DCDC1: variants seen among roughly 807,000 people sequenced by gnomAD.
DCDC1 encodes doublecortin domain containing 1.
DCDC1 carries 200 observed loss-of-function variants against 178.3 expected under a neutral mutation model. The observed-to-expected ratio is 1.12, with a 90% confidence interval of 1.00 to 1.26. The LOEUF is 1.26. Among genes scored for constraint, DCDC1 ranks in the 50% most tolerant of loss-of-function variants. The pLI, the probability that DCDC1 is intolerant of heterozygous loss-of-function variation, is 0.00. For synonymous variants in DCDC1, 690 were observed against 604.8 expected, an observed-to-expected ratio of 1.14 and a Z score of -2.07; for missense variants, 1,983 against 1,749.2, an observed-to-expected ratio of 1.13 and a Z score of -2.38.
intron 8 of DCDC1, among the ~76,000 whole-genome samples, chr11:31,255,945 T>C (rs1279398610): frequency 6.6e-6 from 1 of 152,214 alleles, no homozygotes; most frequent in Non-Finnish European, 1.5e-5. Context: ...TTCTGAGTTT[T>C]ATGGTTTTTG....
At chr11:31,242,019 C>G (rs1475559) in intron 8 of DCDC1, among the ~76,000 whole-genome samples, 89,671 of 151,706 alleles carry the variant, frequency 0.59, 26,910 homozygotes, top group East Asian at 0.93. Flanking sequence ...TTGTAGAGCA[C>G]TCTATATACC....
intron 23 of DCDC1, among the ~76,000 whole-genome samples, chr11:30,922,947 A>T (rs1420766019): frequency 6.9e-6 from 1 of 145,734 alleles, no homozygotes; most frequent in Admixed American, 6.8e-5. Flanking sequence ...TAATTGTTTA[A>T]GAAGAAGAGG....
intron 10 of DCDC1, among the ~76,000 whole-genome samples, chr11:31,134,871 C>A (rs1224122184): frequency 6.6e-6 from 1 of 152,102 alleles, no homozygotes; most frequent in Non-Finnish European, 1.5e-5. Context: ...TGGTATATGC[C>A]TAAAGTCCCA....
chr11:31,104,249 T>C (rs1035501891), intron 13 of DCDC1, among the ~76,000 whole-genome samples: 1 of 152,142 alleles, frequency 6.6e-6, no homozygotes, highest in Admixed American at 6.6e-5. Context: ...AATTTGGAAA[T>C]TAAAATCAAA....
chr11:31,044,161 G>T (rs187398524), intron 20 of DCDC1, among the ~76,000 whole-genome samples: 1 of 152,076 alleles, frequency 6.6e-6, no homozygotes, highest in African/African-American at 2.4e-5. Context: ...GTTGGCGACA[G>T]AAGGAAAAGT....
rs377035186 is a variant in DCDC1 at position 31,094,096 on chromosome 11, G to A, written c.2072C>T (p.Ala691Val). ...GSEASSRSQI[A>V]PSILWPVASV... is the part of the protein sequence containing the mutation. ...GGCTACAGGCCACAGGATCGATGGC[G>A]CTATTTGACTCCTGCTGCTTGCTTC... Residue 691 changes from alanine to valine, a missense_variant, in exon 16 of 39, where the codon GCG becomes GTG. By Grantham distance (64) the Ala-to-Val change is moderately conservative. Transcript: ENST00000684477. 27 of 766,074 alleles carry A rather than the reference G, an allele frequency of 3.5e-5. No individual in the cohort carries two copies. The East Asian group carries it at 5.1e-4, about 14-fold the overall frequency. 47.5% of individuals were successfully genotyped at this position (766,074 alleles called of 1,614,324 possible). A position where few individuals can be genotyped will look rare whatever the true frequency, so the allele number is the denominator to read the frequency against.
intron 9 of DCDC1, among the ~76,000 whole-genome samples, chr11:31,228,925 GA>G (rs1409112040): frequency 2.0e-5 from 3 of 151,992 alleles, no homozygotes; most frequent in Admixed American, 6.6e-5. Flanking sequence ...GAGAAGGGCT[GA>G]AAAACTACTT....
chr11:31,188,910 G>T (rs1018174770), intron 9 of DCDC1, among the ~76,000 whole-genome samples: 1 of 152,110 alleles, frequency 6.6e-6, no homozygotes, highest in East Asian at 1.9e-4. Context: ...ATTGTGTCAT[G>T]AGGGCTTTAC....
intron 36 of DCDC1, among the ~76,000 whole-genome samples, chr11:30,888,060 A>G (rs273577): frequency 0.19 from 13,534 of 73,004 alleles, 1,440 homozygotes; most frequent in Middle Eastern, 0.31. Context: ...GAAAGAAAGA[A>G]AGAGAGAGAG....
intron 11 of DCDC1, among the ~76,000 whole-genome samples, chr11:31,121,296 G>A (rs1290205579): frequency 6.6e-6 from 1 of 151,522 alleles, no homozygotes; most frequent in African/African-American, 2.4e-5. Flanking sequence ...TAGGAACAAT[G>A]CAATTACAGG....
At chr11:31,294,137 T>C (rs1467997687) in intron 6 of DCDC1, among the ~76,000 whole-genome samples, 2 of 152,148 alleles carry the variant, frequency 1.3e-5, no homozygotes, top group Non-Finnish European at 2.9e-5. Context: ...TCACAGGCTC[T>C]GGCAGAGAAA....
In DCDC1 at chr11:31,174,448, C is replaced by T. The variant is rs554194209; in HGVS notation, c.1222-36664G>A. Among the ~76,000 whole-genome samples, 29 of 152,300 alleles carry T rather than the reference C, an allele frequency of 1.9e-4. No homozygotes were observed. In the South Asian group the frequency reaches 2.3e-3, roughly 12 times the overall value. On this transcript the variant is annotated intron_variant, in intron 9 of 38. Transcript: ENST00000684477. ...GCCAAGGGGGGTGCTGAGGGCAGCT[C>T]GGTGCTGGCCGGCAGGCACCCCTCA...
At chr11:30,944,461 C>A (rs1274975605) in intron 21 of DCDC1, 2 of 350,226 alleles carry the variant, frequency 5.7e-6, no homozygotes, top group African/African-American at 2.1e-5. Flanking sequence ...ATGAGTGTCA[C>A]ATTTCCTAAT....
intron 20 of DCDC1, among the ~76,000 whole-genome samples, chr11:31,063,412 T>C (rs1956064414): frequency 6.6e-6 from 1 of 152,192 alleles, no homozygotes; most frequent in African/African-American, 2.4e-5. Flanking sequence ...GTATGTTTAT[T>C]GCAGCACTAT....
intron 7 of DCDC1, among the ~76,000 whole-genome samples, chr11:31,270,351 T>C (rs892746682): frequency 1.3e-5 from 2 of 152,256 alleles, no homozygotes; most frequent in Non-Finnish European, 2.9e-5. Flanking sequence ...GCTGCTTTCA[T>C]GCTATAACAG....
chr11:31,311,352 A>G (rs1166093379), intron 3 of DCDC1, among the ~76,000 whole-genome samples: 1 of 152,142 alleles, frequency 6.6e-6, no homozygotes, highest in Non-Finnish European at 1.5e-5. Flanking sequence ...CCTTCCAAAC[A>G]GGGAAAATAT....
chr11:31,016,317 C>A (rs745886487), intron 20 of DCDC1, among the ~76,000 whole-genome samples: 1 of 152,172 alleles, frequency 6.6e-6, no homozygotes, highest in African/African-American at 2.4e-5. Flanking sequence ...CCTCAGATAA[C>A]ATGATTCCAT....
Position 30,900,352 on chromosome 11 carries a change from G to T in DCDC1, c.4657C>A (p.Pro1553Thr). The change falls in exon 33 of 39, where the codon CCA (proline) becomes ACA (threonine). Residue 1553 changes from proline to threonine, a missense_variant. Transcript: ENST00000684477. ...GCAAAAACAAAAAAGTTACCATTTG[G>T]AGGTAGAAATGGTTCACCACAAGAC... ...WVSCGEPFLP[P>T]NALQKAEKLE... The T allele has an allele frequency of 6.6e-7, 1 of 1,518,982 alleles. No individual in the cohort carries two copies. Among genetic ancestry groups the T allele is most frequent in the South Asian group, 1.4e-5 (1 of 72,408 alleles). The allele number at this position is 1,518,982 out of a possible 1,614,324, so 94.1% of individuals were successfully genotyped here.
chr11:31,310,780 G>A (rs1363394127), intron 3 of DCDC1, among the ~76,000 whole-genome samples: 1 of 152,132 alleles, frequency 6.6e-6, no homozygotes, highest in African/African-American at 2.4e-5. Context: ...AATGAAGGGT[G>A]TTAGGTTCCT....
Sources: gnomAD v4.1 joint callset for allele counts (sites outside exome capture counted in the v4.1 genomes callset) on GRCh38, gnomAD v4.1.1 for gene constraint, MANE v1.5 for transcripts, NCBI Gene and HGNC (gene_info 2026-07-23, HGNC 2026-07-21) for gene names.